OR3A2: variants seen among roughly 807,000 people sequenced by gnomAD.
The protein encoded by OR3A2 is olfactory receptor family 3 subfamily A member 2.
For missense variants in OR3A2, 318 were observed against 392.8 expected, an observed-to-expected ratio of 0.81 and a Z score of 1.61; for synonymous variants, 126 against 159.3, an observed-to-expected ratio of 0.79 and a Z score of 1.57.
Position 3,310,192 on chromosome 17 carries a change from C to T in OR3A2, c.-85+25841G>A, listed in dbSNP as rs144083577. On this transcript the variant is annotated intron_variant, in intron 3 of 4. Coordinates refer to the OR3A2 transcript ENST00000573491. ...CATTTCATGCGTTCTTCCATCCCGG[C>T]CCTGTCCTGGACATTGCTATCAAGA... 1.9e-3 allele frequency: 767 copies of T among 405,268 alleles called. 6 individuals are homozygous for T. The highest frequency in any genetic ancestry group is 0.015 in the African/African-American group (722 of 48,634). The allele number at this position is 405,268 out of a possible 1,614,324, so 25.1% of individuals were successfully genotyped here.
At chr17:3,361,293 A>C (rs1317862854) in intron 2 of OR3A2, among the ~76,000 whole-genome samples, 1 of 151,476 alleles carries the variant, frequency 6.6e-6, no homozygotes, top group East Asian at 1.9e-4. Context: ...GAAGTTGCTT[A>C]TCAGCTTAAG....
At chr17:3,277,849 C>G (rs1481979135) in exon 2 of OR3A2, 2 of 1,047,890 alleles carry the variant, frequency 1.9e-6, no homozygotes, top group South Asian at 1.6e-5. Flanking sequence ...ATATGTAACA[C>G]CGATCTTCAA....
At chr17:3,355,486 T>C (rs2049459538) in intron 2 of OR3A2, among the ~76,000 whole-genome samples, 1 of 147,216 alleles carries the variant, frequency 6.8e-6, no homozygotes, top group Non-Finnish European at 1.5e-5. Context: ...GTTTGCTTTA[T>C]ATATCTGGGT....
At chr17:3,349,611 C>T (rs1420101961) in intron 2 of OR3A2, among the ~76,000 whole-genome samples, 4 of 151,956 alleles carry the variant, frequency 2.6e-5, no homozygotes, top group South Asian at 2.1e-4. Context: ...CTGTCAACAT[C>T]AGACAGATCA....
upstream of OR3A2, among the ~76,000 whole-genome samples, chr17:3,288,901 G>A (rs2048838839): frequency 1.3e-5 from 2 of 152,154 alleles, no homozygotes; most frequent in Non-Finnish European, 1.5e-5. Flanking sequence ...AGTATTATTG[G>A]CAGTCGCAAA....
intron 1 of OR3A2, among the ~76,000 whole-genome samples, chr17:3,282,180 T>C (rs533421824): frequency 6.6e-6 from 1 of 152,218 alleles, no homozygotes; most frequent in African/African-American, 2.4e-5. Flanking sequence ...TTTGGGAGGC[T>C]GAGGTGGGTG....
intron 3 of OR3A2, among the ~76,000 whole-genome samples, chr17:3,296,886 T>C (rs569380631): frequency 1.3e-5 from 2 of 152,348 alleles, no homozygotes; most frequent in South Asian, 4.1e-4. Context: ...GAATCATTTT[T>C]TCCAATGTTA....
intron 3 of OR3A2, chr17:3,310,760 G>A (rs777306608): frequency 1.8e-6 from 1 of 563,760 alleles, no homozygotes; most frequent in Non-Finnish European, 3.5e-6. Context: ...TGGTGGGCAT[G>A]TCATGTGTCT....
At chr17:3,305,074 G>T (rs1473243323) in intron 3 of OR3A2, among the ~76,000 whole-genome samples, 1 of 152,180 alleles carries the variant, frequency 6.6e-6, no homozygotes, top group Non-Finnish European at 1.5e-5. Context: ...GTAAGTGTAT[G>T]CATTTGTCAA....
chr17:3,282,501 T>A (rs1188035509), intron 1 of OR3A2, among the ~76,000 whole-genome samples: 1 of 145,346 alleles, frequency 6.9e-6, no homozygotes, highest in Non-Finnish European at 1.5e-5. Flanking sequence ...AGGGGATGTC[T>A]CCAATGTGAG....
intron 2 of OR3A2, among the ~76,000 whole-genome samples, chr17:3,382,444 C>T (rs1016210808): frequency 3.3e-5 from 5 of 152,206 alleles, no homozygotes; most frequent in Admixed American, 1.3e-4. Flanking sequence ...GATGACAACA[C>T]ATTTGCCTTC....
chr17:3,315,756 G>GGT (rs1567551963), intron 3 of OR3A2, among the ~76,000 whole-genome samples: 1 of 130,252 alleles, frequency 7.7e-6, no homozygotes, highest in East Asian at 2.4e-4. Flanking sequence ...AAATATGGGG[G>GGT]GGGGGGCGGT....
At chr17:3,361,418 C>A (rs568504604) in intron 2 of OR3A2, among the ~76,000 whole-genome samples, 2 of 151,702 alleles carry the variant, frequency 1.3e-5, no homozygotes, top group Admixed American at 1.3e-4. Context: ...CTTTCTCTTA[C>A]CTGATTGCCC....
intron 2 of OR3A2, 50 bp from the exon 2 acceptor site, chr17:3,336,176 C>T (rs2049273690): frequency 1.3e-5 from 2 of 152,236 alleles, no homozygotes; most frequent in Admixed American, 1.3e-4. Flanking sequence ...CAAGCATTCA[C>T]TAGTCATCCA....
chr17:3,372,405 C>A (rs2049637752), intron 2 of OR3A2, among the ~76,000 whole-genome samples: 1 of 151,970 alleles, frequency 6.6e-6, no homozygotes, highest in African/African-American at 2.4e-5. Flanking sequence ...AGACGCTCCT[C>A]ACTTCCCAGA....
chr17:3,301,207 A>C (rs1477795941), intron 3 of OR3A2, among the ~76,000 whole-genome samples: 1 of 152,222 alleles, frequency 6.6e-6, no homozygotes, highest in Non-Finnish European at 1.5e-5. Context: ...GTATATACCC[A>C]GTAATGGGAT....
upstream of OR3A2, among the ~76,000 whole-genome samples, chr17:3,284,990 T>A (rs1200866911): frequency 2.6e-5 from 4 of 152,118 alleles, no homozygotes; most frequent in African/African-American, 7.2e-5. Flanking sequence ...AGTGAGGCGC[T>A]TTCTCTCCTG....
intron 3 of OR3A2, among the ~76,000 whole-genome samples, chr17:3,313,726 C>T (rs1012662364): frequency 6.6e-6 from 1 of 152,146 alleles, no homozygotes; most frequent in African/African-American, 2.4e-5. Flanking sequence ...AGCATGACAG[C>T]ATCATAATTT....
downstream of OR3A2, chr17:3,276,956 C>T (rs931969253): frequency 1.4e-5 from 2 of 138,410 alleles, no homozygotes; most frequent in African/African-American, 5.5e-5. Context: ...CGGAGTCTTG[C>T]TCTGTCGCCC....
Sources: allele counts gnomAD v4.1 joint callset (sites outside exome capture counted in the v4.1 genomes callset), GRCh38; gene constraint gnomAD v4.1.1; transcripts MANE v1.5; gene names NCBI Gene and HGNC (gene_info 2026-07-23, HGNC 2026-07-21).